The following FLNB variants were observed in gnomAD, a reference collection of about 807,000 sequenced individuals.
FLNB encodes the protein filamin B.
A neutral mutation model predicts 250.6 loss-of-function variants in FLNB; 111 were observed. The ratio of observed to expected loss-of-function variants is 0.44; its 90% CI spans 0.38 to 0.52. FLNB has a LOEUF of 0.52. Among genes scored for constraint, FLNB ranks in the 20% least tolerant of loss-of-function variants. The pLI, the probability that FLNB is intolerant of heterozygous loss-of-function variation, is 0.00. For missense variants in FLNB, 2,869 were observed against 3,447.8 expected (o/e 0.83, Z 4.20); for synonymous variants, 1,302 against 1,372.1 (o/e 0.95, Z 1.13).
intron 4 of FLNB, among the ~76,000 whole-genome samples, chr3:58,084,756 C>T (rs996704950): frequency 2.0e-5 from 3 of 152,230 alleles, no homozygotes; most frequent in African/African-American, 4.8e-5. Context: ...TAAACAATAG[C>T]GCCCCATTCT....
intron 1 of FLNB, among the ~76,000 whole-genome samples, chr3:58,073,819 C>T (rs1199953407): frequency 1.3e-5 from 2 of 152,136 alleles, no homozygotes; most frequent in Admixed American, 6.5e-5. Context: ...TGTGATTGTC[C>T]CACTGACAGG....
At chr3:58,029,121 G>A (rs991945207) in intron 1 of FLNB, among the ~76,000 whole-genome samples, 1 of 152,002 alleles carries the variant, frequency 6.6e-6, no homozygotes, top group African/African-American at 2.4e-5. Flanking sequence ...TTTTTATGGT[G>A]TTATGACAAT....
intron 20 of FLNB, among the ~76,000 whole-genome samples, chr3:58,122,230 C>T (rs1386389008): frequency 2.0e-5 from 3 of 149,246 alleles, no homozygotes; most frequent in South Asian, 2.1e-4. Context: ...CAGCGGCTCA[C>T]GCCTGTAATC....
chr3:58,086,542 A>G (rs1266098065), intron 4 of FLNB, among the ~76,000 whole-genome samples: 1 of 152,050 alleles, frequency 6.6e-6, no homozygotes. Flanking sequence ...CTACCTTTTA[A>G]AATTTATTTG....
chr3:58,099,767 A>G (rs1421748187), intron 8 of FLNB, among the ~76,000 whole-genome samples: 2 of 152,008 alleles, frequency 1.3e-5, no homozygotes, highest in Non-Finnish European at 2.9e-5. Context: ...CTTCCTTGCC[A>G]GTTCTTTGTG....
intron 1 of FLNB, among the ~76,000 whole-genome samples, chr3:58,052,376 T>A (rs2097163804): frequency 6.6e-6 from 1 of 152,174 alleles, no homozygotes; most frequent in Admixed American, 6.5e-5. Flanking sequence ...AAACTACTCT[T>A]GGATCCAGCT....
chr3:58,110,051 A>G lies in FLNB; in HGVS notation c.2365A>G (p.Ser789Gly), dbSNP rs759913440. The G allele has an allele frequency of 3.7e-6, 6 of 1,614,152 alleles. No individual in the cohort carries two copies. In the East Asian group the frequency reaches 1.3e-4, roughly 36 times the overall value. Residue 789 changes from serine (S) to glycine (G), a missense_variant, in exon 16 of 46, where the codon AGT (serine) becomes GGT (glycine). Ser to Gly is a moderately conservative substitution (Grantham distance 56). This residue lies in a region of FLNB where 1,348 missense variants were observed against 1,466.7 expected (regional missense o/e 0.92). Transcript: ENST00000295956. ...CATTAAGTGTGATGCCCGGGTGTTAAGTGAAGATGAGGAAGACGTGGATTT... is the reference window on the plus strand; with the variant it reads ...CATTAAGTGTGATGCCCGGGTGTTAGGTGAAGATGAGGAAGACGTGGATTT... ...VGIKCDARVLSEDEEDVDFDI... is the reference protein window; with the variant it reads ...VGIKCDARVLGEDEEDVDFDI...
At chr3:58,084,869 G>A (rs2097215006) in intron 4 of FLNB, among the ~76,000 whole-genome samples, 1 of 151,908 alleles carries the variant, frequency 6.6e-6, no homozygotes, top group Non-Finnish European at 1.5e-5. Context: ...TGTCTGTTAG[G>A]TACCTCCTAG....
At chr3:58,113,309 G>A (rs529900791) in intron 18 of FLNB, among the ~76,000 whole-genome samples, 56 of 152,336 alleles carry the variant, frequency 3.7e-4, no homozygotes, top group African/African-American at 1.3e-3. Context: ...GTTGTTCCAA[G>A]CCTCTGAGAT....
In FLNB at chr3:58,102,256, G is replaced by C; in HGVS notation, c.1399G>C (p.Val467Leu). The C allele has an allele frequency of 1.2e-6, 2 of 1,614,226 alleles. No individual in the cohort carries two copies. Among genetic ancestry groups the C allele is most frequent in the Non-Finnish European group, 1.7e-6 (2 of 1,180,018 alleles). ...TGGCCGAGGCCTACAACCCAAAGGCGTCCGTATCCGGGAGACCACAGATTT... is the reference window on the plus strand; with the variant it reads ...TGGCCGAGGCCTACAACCCAAAGGCCTCCGTATCCGGGAGACCACAGATTT... Reference protein sequence around the residue: ...ASGRGLQPKGVRIRETTDFKV... With the variant: ...ASGRGLQPKGLRIRETTDFKV... The change falls in exon 9 of 46, where the codon GTC becomes CTC. Residue 467 changes from valine (V) to leucine (L), a missense_variant. Val to Leu is a conservative substitution (Grantham distance 32). Coordinates refer to ENST00000295956, the MANE Select transcript of FLNB (RefSeq NM_001457.4).
intron 1 of FLNB, among the ~76,000 whole-genome samples, chr3:58,055,748 A>T (rs909655011): frequency 1.3e-5 from 2 of 152,224 alleles, no homozygotes; most frequent in African/African-American, 4.8e-5. Flanking sequence ...GGGCTCTCTG[A>T]AGACTGTACT....
At chr3:58,074,982 T>C (rs967144306) in intron 1 of FLNB, among the ~76,000 whole-genome samples, 1 of 152,184 alleles carries the variant, frequency 6.6e-6, no homozygotes, top group Non-Finnish European at 1.5e-5. Flanking sequence ...TAAATTCTGA[T>C]GATTTCTCTC....
chr3:58,121,542 T>C, intron 20 of FLNB, 39 bp downstream of exon 20: 1 of 1,611,434 alleles, frequency 6.2e-7, no homozygotes, highest in South Asian at 1.1e-5. Context: ...GTCTCATTGC[T>C]GTCAAACATG....
At chr3:58,055,640 A>G (rs899594254) in intron 1 of FLNB, among the ~76,000 whole-genome samples, 2 of 152,214 alleles carry the variant, frequency 1.3e-5, no homozygotes, top group African/African-American at 2.4e-5. Context: ...AGGGAAAACT[A>G]TGGCCTGTGG....
chr3:58,151,427 A>G (rs1387216891), intron 38 of FLNB: 2 of 144,812 alleles, frequency 1.4e-5, no homozygotes, highest in African/African-American at 5.1e-5. Context: ...AGCTGTACTG[A>G]TCGTTTGTAG....
intron 1 of FLNB, among the ~76,000 whole-genome samples, chr3:58,029,754 C>G (rs1022505206): frequency 5.3e-5 from 8 of 152,048 alleles, no homozygotes; most frequent in African/African-American, 9.7e-5. Flanking sequence ...CCCAACCCCC[C>G]CGACCTCCCC....
At chr3:58,010,370 C>G (rs1284528433) in intron 1 of FLNB, among the ~76,000 whole-genome samples, 1 of 152,184 alleles carries the variant, frequency 6.6e-6, no homozygotes, top group African/African-American at 2.4e-5. Context: ...TCCCTTCCCC[C>G]ACACCTGTCC....
chr3:58,098,433 C>A (rs954027732), intron 7 of FLNB, among the ~76,000 whole-genome samples: 19 of 152,160 alleles, frequency 1.2e-4, no homozygotes, highest in Admixed American at 5.9e-4. Flanking sequence ...TGGGTTCAAG[C>A]GATTCTCATA....
intron 36 of FLNB, 150 bp downstream of exon 36, chr3:58,149,002 T>G: frequency 2.7e-6 from 2 of 752,142 alleles, no homozygotes; most frequent in South Asian, 3.0e-5. Context: ...CTTTTATGCC[T>G]CATGACCATT....
Sources: allele counts gnomAD v4.1 joint callset (sites outside exome capture counted in the v4.1 genomes callset), GRCh38; gene constraint gnomAD v4.1.1; regional missense constraint gnomAD v4.1.1; transcripts MANE v1.5; gene names NCBI Gene and HGNC (gene_info 2026-07-23, HGNC 2026-07-21).